The following ADGRG7 variants were observed in gnomAD, a reference collection of about 807,000 sequenced individuals.
The protein encoded by ADGRG7 is G-protein coupled receptor 128.
Under a neutral mutation model 88.6 loss-of-function variants are expected in ADGRG7, and 82 were observed. The observed-to-expected ratio is 0.93, with a 90% CI of 0.77 to 1.11. The LOEUF (loss-of-function observed/expected upper bound fraction) is 1.11. Among genes scored for constraint, ADGRG7 ranks in the 50% most tolerant of loss-of-function variants. ADGRG7 has a pLI of 0.00. For synonymous variants in ADGRG7, 381 were observed against 345.2 expected, an observed-to-expected ratio of 1.10 and a Z score of -1.15; for missense variants, 945 against 953.4, an observed-to-expected ratio of 0.99 and a Z score of 0.12.
At chr3:100,688,502 T>C (rs2094987245) in intron 15 of ADGRG7, among the ~76,000 whole-genome samples, 1 of 152,228 alleles carries the variant, frequency 6.6e-6, no homozygotes, top group South Asian at 2.1e-4. Flanking sequence ...CTGCTTTCTC[T>C]TGTGGGCATT....
At chr3:100,676,290 A>G (rs2094965226) in intron 15 of ADGRG7, among the ~76,000 whole-genome samples, 2 of 151,784 alleles carry the variant, frequency 1.3e-5, no homozygotes, top group South Asian at 4.1e-4. Flanking sequence ...AAGTTTTGGT[A>G]TGTTGTGTTT....
At chr3:100,654,795 G>A (rs1319397241) in intron 11 of ADGRG7, 40 bp from the exon 12 acceptor site, 2 of 1,265,882 alleles carry the variant, frequency 1.6e-6, no homozygotes, top group Non-Finnish European at 1.1e-6. Flanking sequence ...CAGTTGTTGT[G>A]TTTCATTTAA....
intron 1 of ADGRG7, among the ~76,000 whole-genome samples, chr3:100,611,000 C>T (rs892668764): frequency 3.3e-5 from 5 of 152,112 alleles, no homozygotes; most frequent in Non-Finnish European, 7.4e-5. Context: ...CCTACCCCAC[C>T]GCCCTAACCA....
chr3:100,651,296 G>T lies in ADGRG7; in HGVS notation c.1379+1489G>T, dbSNP rs143973255. ...TACAAATTGTGGTAAGTGCCTTGAA[G>T]GAAAATTACATGTTTGTCATGTAAA... On this transcript the variant is annotated intron_variant, in intron 11 of 15. Coordinates refer to ENST00000273352, the MANE Select transcript of ADGRG7 (RefSeq NM_032787.3). Among the ~76,000 whole-genome samples the T allele has an allele frequency of 3.5e-3, 527 of 152,274 alleles. 4 individuals are homozygous for T. The highest frequency in any genetic ancestry group is 5.1e-3 in the Non-Finnish European group (350 of 68,012).
At chr3:100,624,988 C>T (rs766743547) in intron 1 of ADGRG7, among the ~76,000 whole-genome samples, 5 of 152,096 alleles carry the variant, frequency 3.3e-5, no homozygotes, top group Non-Finnish European at 5.9e-5. Flanking sequence ...CAGCTTTGTT[C>T]TTTTTGCTTA....
intron 1 of ADGRG7, among the ~76,000 whole-genome samples, chr3:100,617,966 GTGA>G (rs1222977848): frequency 4.6e-5 from 7 of 152,322 alleles, no homozygotes; most frequent in Admixed American, 1.3e-4. Flanking sequence ...CTGATGACCA[GTGA>G]TGATGAGCAT....
intron 11 of ADGRG7, among the ~76,000 whole-genome samples, chr3:100,650,208 G>A (rs1001044628): frequency 2.0e-5 from 3 of 152,032 alleles, no homozygotes; most frequent in Admixed American, 6.6e-5. Context: ...ATGGTGAAAC[G>A]TTTTTCAAAA....
intron 1 of ADGRG7, among the ~76,000 whole-genome samples, chr3:100,610,344 A>C (rs2149009005): frequency 6.6e-6 from 1 of 152,324 alleles, no homozygotes; most frequent in Non-Finnish European, 1.5e-5. Flanking sequence ...TGCATCAAAC[A>C]CATACACACA....
chr3:100,643,787 T>C (rs1225658271), intron 8 of ADGRG7, among the ~76,000 whole-genome samples, 154 bp downstream of exon 8: 1 of 152,246 alleles, frequency 6.6e-6, no homozygotes, highest in East Asian at 1.9e-4. Context: ...TATGGTAATC[T>C]CAACTCTACT....
intron 8 of ADGRG7, 89 bp from the exon 9 acceptor site, chr3:100,645,856 A>G: frequency 8.7e-7 from 1 of 1,147,838 alleles, no homozygotes; most frequent in Non-Finnish European, 1.2e-6. Flanking sequence ...AATATTAAGC[A>G]GCCATGCACT....
chr3:100,649,294 G>A (rs547267861), intron 10 of ADGRG7, among the ~76,000 whole-genome samples: 1 of 152,304 alleles, frequency 6.6e-6, no homozygotes, highest in African/African-American at 2.4e-5. Flanking sequence ...AAACGTAGAT[G>A]GAAAATAACA....
intron 9 of ADGRG7, 75 bp from the exon 10 acceptor site, chr3:100,646,494 C>CT: frequency 8.5e-7 from 1 of 1,180,984 alleles, no homozygotes; most frequent in Non-Finnish European, 1.2e-6. Flanking sequence ...AGATGACTGT[C>CT]TTATACTACT....
intron 3 of ADGRG7, 46 bp downstream of exon 3, chr3:100,630,855 GCTGAGT>G: frequency 3.7e-6 from 4 of 1,086,626 alleles, no homozygotes; most frequent in Non-Finnish European, 5.2e-6. Context: ...GAATTACTAT[GCTGAGT>G]CATACCTCTC....
In ADGRG7 at chr3:100,654,613, C is replaced by G. The variant is rs187606439; in HGVS notation, c.1380-222C>G. 17 of 434,988 alleles carry G rather than the reference C, an allele frequency of 3.9e-5. No homozygotes were observed. The East Asian group carries it at 6.7e-4, about 17-fold the overall frequency. The allele number at this position is 434,988 out of a possible 1,614,324, so 26.9% of individuals were successfully genotyped here. A position where few individuals can be genotyped will look rare whatever the true frequency, so the allele number is the denominator to read the frequency against. ...AACACAGTTTCAAGAAAAGATATGT[C>G]AACCTGTATCCTTTAACTCATGACT... On this transcript the variant is annotated intron_variant, in intron 11 of 15. Coordinates refer to ENST00000273352, the MANE Select transcript of ADGRG7 (RefSeq NM_032787.3).
rs183098848 is a variant in ADGRG7, at chr3:100,681,438, G to C, written c.2136+12333G>C. ...CAATTCTCCTGCTTCAGTGTCCTGA[G>C]TACCTGGGATTACAGGCATGTGCCA... On this transcript the variant is annotated intron_variant, in intron 15 of 15. Transcript: ENST00000273352. Among the ~76,000 whole-genome samples, 102 of 151,944 alleles carry C rather than the reference G, an allele frequency of 6.7e-4. 1 individual carries two copies. The East Asian group carries it at 0.019, about 28-fold the overall frequency.
chr3:100,692,092 A>C (rs1433475234), intron 15 of ADGRG7, among the ~76,000 whole-genome samples: 1 of 152,222 alleles, frequency 6.6e-6, no homozygotes, highest in Non-Finnish European at 1.5e-5. Context: ...TGAGGAGGAA[A>C]GTCTTTGATA....
chr3:100,650,504 C>T (rs539672111), intron 11 of ADGRG7, among the ~76,000 whole-genome samples: 2 of 152,272 alleles, frequency 1.3e-5, no homozygotes, highest in East Asian at 3.9e-4. Flanking sequence ...TTCAAGCATC[C>T]AGGCCAGTTA....
At position 100,688,258 on chromosome 3, in the gene ADGRG7, C is replaced by T. The variant is rs1468832066; in HGVS notation, c.2137-6486C>T. Among the ~76,000 whole-genome samples the T allele has an allele frequency of 4.0e-5, 6 of 151,854 alleles. No homozygotes were observed. The Middle Eastern group carries it at 0.01, about 260-fold the overall frequency. ...CATTTTTTATTGTGTCTATTTGATTCTTCTCTCTTTTCTTCTTTATTAGTC... is the reference window on the plus strand; with the variant it reads ...CATTTTTTATTGTGTCTATTTGATTTTTCTCTCTTTTCTTCTTTATTAGTC... On this transcript the variant is annotated intron_variant, in intron 15 of 15. Transcript: ENST00000273352.
intron 15 of ADGRG7, among the ~76,000 whole-genome samples, chr3:100,670,823 G>T (rs571859793): frequency 2.0e-5 from 3 of 152,172 alleles, no homozygotes; most frequent in East Asian, 1.9e-4. Flanking sequence ...TTGGTTTTCT[G>T]TCCTTGTGTT....
Sources: gnomAD v4.1 joint callset for allele counts (sites outside exome capture counted in the v4.1 genomes callset) on GRCh38, gnomAD v4.1.1 for gene constraint, MANE v1.5 for transcripts, NCBI Gene and HGNC (gene_info 2026-07-23, HGNC 2026-07-21) for gene names.